Variants in ESRRG observed in about 807,000 individuals in gnomAD.
ESRRG encodes estrogen-related receptor gamma.
Under a neutral mutation model 44.0 loss-of-function variants are expected in ESRRG, and 13 were observed. That is an observed-to-expected ratio of 0.30 (90% CI 0.19 to 0.47). ESRRG has a LOEUF of 0.47. ESRRG is among the 20% of genes least tolerant of loss of function. ESRRG has a pLI of 1.00. For missense variants in ESRRG, 395 were observed against 580.6 expected (o/e 0.68, Z 3.29); for synonymous variants, 215 against 214.6 (o/e 1.00, Z -0.02).
intron 1 of ESRRG, among the ~76,000 whole-genome samples, chr1:217,120,869 A>C (rs746091255): frequency 6.6e-6 from 1 of 152,116 alleles, no homozygotes; most frequent in Non-Finnish European, 1.5e-5. Flanking sequence ...TTGCAATTTC[A>C]CATTTGTCTG....
intron 2 of ESRRG, among the ~76,000 whole-genome samples, chr1:216,775,091 G>A (rs1297896463): frequency 2.0e-5 from 3 of 151,874 alleles, no homozygotes; most frequent in Non-Finnish European, 2.9e-5. Flanking sequence ...TTATAGGCGT[G>A]AGCCACCGTG....
chr1:216,783,940 C>T (rs1433902079), intron 2 of ESRRG, among the ~76,000 whole-genome samples: 1 of 152,100 alleles, frequency 6.6e-6, no homozygotes, highest in Non-Finnish European at 1.5e-5. Flanking sequence ...TATTAGCTTG[C>T]ACTTGTCTGC....
intron 1 of ESRRG, among the ~76,000 whole-genome samples, chr1:216,953,387 C>T (rs1578594790): frequency 6.6e-6 from 1 of 152,134 alleles, no homozygotes; most frequent in South Asian, 2.1e-4. Flanking sequence ...TTTTCCAAAG[C>T]CTTTCTTAGT....
chr1:216,558,705 C>T (rs1042030678), intron 5 of ESRRG, among the ~76,000 whole-genome samples: 1 of 151,900 alleles, frequency 6.6e-6, no homozygotes, highest in Non-Finnish European at 1.5e-5. Flanking sequence ...AAGTAACTTA[C>T]AAAACATTAC....
intron 3 of ESRRG, among the ~76,000 whole-genome samples, chr1:216,588,397 T>C (rs2057048386): frequency 6.6e-6 from 1 of 152,208 alleles, no homozygotes; most frequent in Non-Finnish European, 1.5e-5. Context: ...ATCTGGACTG[T>C]TTTTATTAAT....
chr1:216,705,642 C>T (rs1014746646), intron 1 of ESRRG, among the ~76,000 whole-genome samples: 2 of 152,160 alleles, frequency 1.3e-5, no homozygotes, highest in African/African-American at 2.4e-5. Flanking sequence ...ATATGCAAAT[C>T]GAATGCTTTC....
At chr1:216,729,148 C>T (rs1489555972) in intron 2 of ESRRG, among the ~76,000 whole-genome samples, 1 of 152,258 alleles carries the variant, frequency 6.6e-6, no homozygotes, top group Non-Finnish European at 1.5e-5. Context: ...TTATAGAATT[C>T]GTATGGGGAT....
At chr1:217,010,401 C>T (rs1350173885) in intron 1 of ESRRG, among the ~76,000 whole-genome samples, 3 of 152,100 alleles carry the variant, frequency 2.0e-5, no homozygotes, top group Admixed American at 6.6e-5. Flanking sequence ...AAAGCAACCC[C>T]ACCCCTGCAG....
At chr1:216,620,937 A>G (rs569282723) in intron 3 of ESRRG, among the ~76,000 whole-genome samples, 1 of 152,316 alleles carries the variant, frequency 6.6e-6, no homozygotes, top group Admixed American at 6.5e-5. Flanking sequence ...CCAATCTGAA[A>G]TCTGCTATCC....
intron 3 of ESRRG, among the ~76,000 whole-genome samples, chr1:216,637,453 G>C (rs2065513397): frequency 2.6e-5 from 4 of 152,150 alleles, no homozygotes; most frequent in Admixed American, 2.6e-4. Context: ...CTAAAATAAA[G>C]GTCTCCTTGC....
chr1:217,108,597 T>A (rs2092625848), intron 1 of ESRRG, among the ~76,000 whole-genome samples: 1 of 152,006 alleles, frequency 6.6e-6, no homozygotes, highest in Non-Finnish European at 1.5e-5. Context: ...GCTGTCTTGG[T>A]GATAGTTCTC....
intron 1 of ESRRG, among the ~76,000 whole-genome samples, chr1:217,126,460 C>T (rs1350914207): frequency 6.6e-6 from 1 of 152,046 alleles, no homozygotes; most frequent in Non-Finnish European, 1.5e-5. Context: ...CTGTATACAC[C>T]CATGCCATAA....
Position 216,536,634 on chromosome 1 carries a change from C to T in ESRRG, c.863-17213G>A, listed in dbSNP as rs533859744. Reference sequence around the variant, plus strand: ...TCTCTGTGAGGTCCACAGAATCCTTCATTGTCAGGGCCCAATTTACTTTTC... The same window carrying T: ...TCTCTGTGAGGTCCACAGAATCCTTTATTGTCAGGGCCCAATTTACTTTTC... On this transcript the variant is annotated intron_variant, in intron 5 of 6. Coordinates refer to ENST00000408911, the MANE Select transcript of ESRRG (RefSeq NM_001438.4). Among the ~76,000 whole-genome samples, 6 of 152,158 alleles carry T rather than the reference C, an allele frequency of 3.9e-5. No homozygotes were observed. The East Asian group carries it at 1.2e-3, about 30-fold the overall frequency.
At chr1:216,914,466 G>A (rs2149636181) in intron 2 of ESRRG, among the ~76,000 whole-genome samples, 1 of 152,208 alleles carries the variant, frequency 6.6e-6, no homozygotes, top group East Asian at 1.9e-4. Context: ...CAAACCATCA[G>A]TGGCCCTGCA....
intron 2 of ESRRG, among the ~76,000 whole-genome samples, chr1:216,743,864 G>C (rs2091056355): frequency 6.6e-6 from 1 of 152,212 alleles, no homozygotes; most frequent in African/African-American, 2.4e-5. Context: ...AGGAAGCTGA[G>C]ACTTCGTAAC....
At chr1:216,628,362 CTCCT>C (rs2063541372) in intron 3 of ESRRG, among the ~76,000 whole-genome samples, 2 of 152,172 alleles carry the variant, frequency 1.3e-5, no homozygotes, top group Admixed American at 1.3e-4. Context: ...TCAAGCAAAC[CTCCT>C]TTCTCAGCCT....
chr1:216,623,751 A>G (rs189669247), intron 3 of ESRRG, among the ~76,000 whole-genome samples: 116 of 152,338 alleles, frequency 7.6e-4, no homozygotes, highest in Non-Finnish European at 1.4e-3. Context: ...ATAACTAAAT[A>G]TGAAAAATAT....
At chr1:216,698,199 T>C (rs2080583867) in intron 1 of ESRRG, among the ~76,000 whole-genome samples, 1 of 152,150 alleles carries the variant, frequency 6.6e-6, no homozygotes. Context: ...ATGTTACATA[T>C]TAGCTAACTA....
Position 216,593,518 on chromosome 1 carries a change from G to C in ESRRG, c.590-25420C>G, listed in dbSNP as rs544362596. On this transcript the variant is annotated intron_variant, in intron 3 of 6. Coordinates refer to ENST00000408911, the MANE Select transcript of ESRRG (RefSeq NM_001438.4). ...ACCACGGTTTAGAAGATTAGATTCT[G>C]ATAACAGCCAATTGTAAATAACTAC... Among the ~76,000 whole-genome samples, 13 of 152,286 alleles carry C rather than the reference G, an allele frequency of 8.5e-5. No individual in the cohort carries two copies. The South Asian group carries it at 2.5e-3, about 29-fold the overall frequency.
Sources: allele counts gnomAD v4.1 joint callset (sites outside exome capture counted in the v4.1 genomes callset), GRCh38; gene constraint gnomAD v4.1.1; transcripts MANE v1.5; gene names NCBI Gene and HGNC (gene_info 2026-07-23, HGNC 2026-07-21).